CTBP2: variants seen among roughly 807,000 people sequenced by gnomAD.
The protein encoded by CTBP2 is C-terminal-binding protein 2.
In CTBP2, 30 loss-of-function variants were observed where a neutral mutation model predicts 80.3. That is an observed-to-expected ratio of 0.37 (90% CI 0.28 to 0.51). The LOEUF (loss-of-function observed/expected upper bound fraction) is 0.51. CTBP2 is among the 20% of genes least tolerant of loss of function. The probability of loss-of-function intolerance (pLI) is 0.93; values close to 1 mark genes in which losing one functional copy is unlikely to be tolerated. For missense variants in CTBP2, 1,212 were observed against 1,375.3 expected, an observed-to-expected ratio of 0.88 and a Z score of 1.88; for synonymous variants, 594 against 587.4, an observed-to-expected ratio of 1.01 and a Z score of -0.16.
At chr10:125,111,187 C>T (rs1002895356) in intron 1 of CTBP2, 94 bp from the exon 2 acceptor site, 1 of 151,910 alleles carries the variant, frequency 6.6e-6, no homozygotes, top group Non-Finnish European at 1.5e-5. Context: ...TTTTCCAATG[C>T]CTTCGACTCT....
chr10:125,157,295 A>G (rs1861092561), intron 1 of CTBP2, among the ~76,000 whole-genome samples: 1 of 151,530 alleles, frequency 6.6e-6, no homozygotes, highest in South Asian at 2.1e-4. Flanking sequence ...TCAGTTTCAA[A>G]GCTCCCAGGC....
At chr10:125,087,522 C>T (rs1367416264) in intron 2 of CTBP2, among the ~76,000 whole-genome samples, 1 of 152,208 alleles carries the variant, frequency 6.6e-6, no homozygotes, top group African/African-American at 2.4e-5. Context: ...CCCTGAAGGG[C>T]AAAGGTCTGT....
chr10:124,993,109 T>C, intron 7 of CTBP2, 93 bp downstream of exon 9: 3 of 1,460,478 alleles, frequency 2.1e-6, no homozygotes, highest in Non-Finnish European at 2.8e-6. Flanking sequence ...GAATTCTACC[T>C]GTCGAGAGCT....
chr10:125,045,948 A>C (rs1590302285), intron 2 of CTBP2, among the ~76,000 whole-genome samples: 1 of 151,908 alleles, frequency 6.6e-6, no homozygotes, highest in Non-Finnish European at 1.5e-5. Flanking sequence ...CAAGGGCCCC[A>C]CCCTCTAATT....
Position 125,027,490 on chromosome 10 carries a change from G to A in CTBP2, c.270C>T (p.Thr90=). The change falls in exon 1 of 9, where the codon ACC becomes ACT. Residue 90 remains threonine (T), a synonymous_variant. Coordinates refer to ENST00000309035, the MANE Select transcript of CTBP2 (RefSeq NM_022802.3). ...TCACTGCCTGTCTGCTGTCGTAGAA[G>A]GTGAAGTCAGGAGTAGACCCCTTTC... 1.2e-6 allele frequency: 2 copies of A among 1,614,154 alleles called. No individual in the cohort carries two copies. The highest frequency in any genetic ancestry group is 1.7e-6 in the Non-Finnish European group (2 of 1,180,022).
At position 125,100,231 on chromosome 10, in the gene CTBP2, G is replaced by T. The variant is rs114596426; in HGVS notation, c.-102+10759C>A. ...ACAAGTGCGTATGGCAGAAGATGCT[G>T]TATTAAATGCAGACAACAGTGAAAA... On this transcript the variant is annotated intron_variant, in intron 2 of 10. Coordinates refer to the CTBP2 transcript ENST00000337195. Among the ~76,000 whole-genome samples the T allele has an allele frequency of 2.8e-3, 419 of 152,336 alleles. 1 individual carries two copies. The highest frequency in any genetic ancestry group is 9.8e-3 in the African/African-American group (406 of 41,576).
At chr10:125,081,372 T>C (rs572820144) in intron 2 of CTBP2, among the ~76,000 whole-genome samples, 5 of 152,378 alleles carry the variant, frequency 3.3e-5, no homozygotes, top group African/African-American at 9.6e-5. Flanking sequence ...ATATTAGATA[T>C]GATTATCAAT....
At chr10:125,069,649 GAA>G (rs1248852129) in intron 2 of CTBP2, among the ~76,000 whole-genome samples, 1 of 152,094 alleles carries the variant, frequency 6.6e-6, no homozygotes, top group Non-Finnish European at 1.5e-5. Context: ...ATTACTGGCT[GAA>G]AGTTTCCATT....
At chr10:125,073,703 A>T (rs115770730) in intron 2 of CTBP2, among the ~76,000 whole-genome samples, 1 of 152,238 alleles carries the variant, frequency 6.6e-6, no homozygotes, top group African/African-American at 2.4e-5. Flanking sequence ...ATAGCAGCTA[A>T]GTTTCACCAA....
chr10:125,091,263 G>A (rs1453189886), intron 2 of CTBP2, among the ~76,000 whole-genome samples: 1 of 152,186 alleles, frequency 6.6e-6, no homozygotes, highest in South Asian at 2.1e-4. Context: ...AGGAGTAACA[G>A]GACTCCTTTC....
At chr10:125,113,725 T>C (rs1022756130) in intron 1 of CTBP2, among the ~76,000 whole-genome samples, 22 of 152,206 alleles carry the variant, frequency 1.4e-4, no homozygotes, top group African/African-American at 3.6e-4. Context: ...CTAATCTTGA[T>C]GGTGGGTACA....
upstream of CTBP2, chr10:125,160,727 T>C: frequency 2.3e-5 from 2 of 88,118 alleles, no homozygotes; most frequent in South Asian, 5.8e-4. Context: ...GCCCACCCGG[T>C]TCCCAATTCC....
intron 2 of CTBP2, among the ~76,000 whole-genome samples, chr10:125,042,606 G>C (rs1960168148): frequency 6.6e-6 from 1 of 152,142 alleles, no homozygotes; most frequent in Non-Finnish European, 1.5e-5. Flanking sequence ...AGCTGTTCTG[G>C]AGACTCAGGC....
chr10:125,059,697 A>G (rs1964602202), intron 2 of CTBP2, among the ~76,000 whole-genome samples: 1 of 152,120 alleles, frequency 6.6e-6, no homozygotes, highest in Non-Finnish European at 1.5e-5. Flanking sequence ...TCGACCCCAG[A>G]AGCCATGCTC....
At chr10:125,114,752 G>T (rs529841548) in intron 1 of CTBP2, among the ~76,000 whole-genome samples, 1 of 152,012 alleles carries the variant, frequency 6.6e-6, no homozygotes, top group African/African-American at 2.4e-5. Context: ...CGTTCTTTCA[G>T]AACAGCTTCT....
At chr10:125,129,752 A>C (rs1464482613) in intron 1 of CTBP2, among the ~76,000 whole-genome samples, 2 of 152,332 alleles carry the variant, frequency 1.3e-5, no homozygotes, top group East Asian at 3.9e-4. Flanking sequence ...AGGAGCACAG[A>C]AACACCTGTG....
Position 124,985,043 on chromosome 10 carries a change from TAA to T in CTBP2, c.*4473_*4474del, listed in dbSNP as rs1952002915. 1 of 1,411,770 alleles carries T rather than the reference TAA, an allele frequency of 7.1e-7. No individual in the cohort carries two copies. The highest frequency in any genetic ancestry group is 9.8e-7 in the Non-Finnish European group (1 of 1,021,408). 87.5% of individuals were successfully genotyped at this position (1,411,770 alleles called of 1,614,324 possible). A position where few individuals can be genotyped will look rare whatever the true frequency, so the allele number is the denominator to read the frequency against. Reference sequence around the variant, plus strand: ...CAAGGCATCAGATCTGTAATGACCCTAAAGTTAGTGTGGTGCTCCAAGCAGAG... The same window carrying T: ...CAAGGCATCAGATCTGTAATGACCCTAGTTAGTGTGGTGCTCCAAGCAGAG... On this transcript the variant is annotated 3_prime_UTR_variant, in exon 9 of 9. Transcript: ENST00000309035.
At chr10:124,992,211 T>C (rs1181547146) in intron 8 of CTBP2, among the ~76,000 whole-genome samples, 2 of 126,506 alleles carry the variant, frequency 1.6e-5, no homozygotes, top group African/African-American at 8.9e-5. Context: ...GAGAAGCCCT[T>C]TTTTTTTTTT....
intron 1 of CTBP2, among the ~76,000 whole-genome samples, chr10:125,114,938 T>A (rs767149373): frequency 3.3e-5 from 5 of 152,154 alleles, no homozygotes; most frequent in Non-Finnish European, 7.3e-5. Flanking sequence ...TTTCTAGTGA[T>A]ATTTCTGCCA....
Sources: allele counts gnomAD v4.1 joint callset (sites outside exome capture counted in the v4.1 genomes callset), GRCh38; gene constraint gnomAD v4.1.1; transcripts MANE v1.5; gene names NCBI Gene and HGNC (gene_info 2026-07-23, HGNC 2026-07-21).